Variants in MED13L observed in about 807,000 individuals in gnomAD.
The protein encoded by MED13L is mediator of RNA polymerase II transcription subunit 13-like.
MED13L carries 7 observed loss-of-function variants against 220.9 expected under a neutral mutation model. That is an observed-to-expected ratio of 0.03 (90% CI 0.02 to 0.06). The LOEUF is 0.06. MED13L is among the 10% of genes least tolerant of loss of function. The pLI, the probability that MED13L is intolerant of heterozygous loss-of-function variation, is 1.00. For synonymous variants in MED13L, 1,011 were observed against 1,015.2 expected, an observed-to-expected ratio of 1.00 and a Z score of 0.08; for missense variants, 1,965 against 2,760.5, an observed-to-expected ratio of 0.71 and a Z score of 6.46.
intron 2 of MED13L, among the ~76,000 whole-genome samples, chr12:116,165,574 C>T (rs1392550628): frequency 6.6e-6 from 1 of 151,984 alleles, no homozygotes; most frequent in African/African-American, 2.4e-5. Flanking sequence ...CGTGATCCCC[C>T]CCGCCTCAGC....
At chr12:116,175,966 C>T (rs566013339) in intron 2 of MED13L, among the ~76,000 whole-genome samples, 1 of 152,120 alleles carries the variant, frequency 6.6e-6, no homozygotes, top group Non-Finnish European at 1.5e-5. Flanking sequence ...GAATGGAGCT[C>T]AAGAAAACAG....
At chr12:116,212,689 G>A (rs1230550765) in intron 2 of MED13L, among the ~76,000 whole-genome samples, 2 of 152,086 alleles carry the variant, frequency 1.3e-5, no homozygotes, top group Non-Finnish European at 2.9e-5. Context: ...TACATTCTGA[G>A]TAAAACACAT....
chr12:116,245,171 T>C (rs1593203834), intron 1 of MED13L, among the ~76,000 whole-genome samples: 1 of 151,940 alleles, frequency 6.6e-6, no homozygotes, highest in Admixed American at 6.6e-5. Context: ...GTGAAATATA[T>C]AGAATGAAGG....
In MED13L at chr12:115,961,591, C is replaced by A; in HGVS notation, c.6501-193G>T. 4.0e-6 allele frequency: 3 copies of A among 754,870 alleles called. No individual in the cohort carries two copies. In the South Asian group the frequency reaches 5.0e-5, roughly 13 times the overall value. 46.8% of individuals were successfully genotyped at this position (754,870 alleles called of 1,614,324 possible). ...GATATGGACTATCCAGTACAGTAGC[C>A]AGCAGCCACACATGGCCATTGAGCT... is the stretch of plus-strand genomic sequence containing the variant. On this transcript the variant is annotated intron_variant, in intron 30 of 30. Transcript: ENST00000281928.
chr12:116,207,115 T>C (rs1447045101), intron 2 of MED13L, among the ~76,000 whole-genome samples: 8 of 151,994 alleles, frequency 5.3e-5, no homozygotes, highest in Admixed American at 5.2e-4. Context: ...ACACAGATGA[T>C]GGTGGTCCCA....
chr12:115,963,741 CTTTT>C (rs982981539), intron 29 of MED13L, among the ~76,000 whole-genome samples: 26 of 152,158 alleles, frequency 1.7e-4, no homozygotes, highest in South Asian at 2.1e-4. Flanking sequence ...ACTTTTTGGG[CTTTT>C]TTTGTCTACT....
At chr12:116,056,076 T>C (rs947992776) in intron 4 of MED13L, among the ~76,000 whole-genome samples, 1 of 151,994 alleles carries the variant, frequency 6.6e-6, no homozygotes, top group Non-Finnish European at 1.5e-5. Flanking sequence ...TTTAGTAAGC[T>C]GCTGGCAGCC....
At chr12:116,029,414 T>C (rs1880593087) in intron 4 of MED13L, among the ~76,000 whole-genome samples, 1 of 152,018 alleles carries the variant, frequency 6.6e-6, no homozygotes, top group Non-Finnish European at 1.5e-5. Context: ...TCTATCACTG[T>C]GCAAATGAAA....
At chr12:116,122,987 A>C (rs1334634289) in intron 2 of MED13L, among the ~76,000 whole-genome samples, 1 of 152,246 alleles carries the variant, frequency 6.6e-6, no homozygotes, top group Non-Finnish European at 1.5e-5. Context: ...GAAATCTTGC[A>C]CAATGGCTGT....
At chr12:116,033,739 G>T (rs945227964) in intron 4 of MED13L, among the ~76,000 whole-genome samples, 1 of 150,024 alleles carries the variant, frequency 6.7e-6, no homozygotes, top group Admixed American at 6.7e-5. Flanking sequence ...TCTAAAGTAT[G>T]AATCATGAGT....
chr12:116,105,040 T>C (rs528665999), intron 3 of MED13L, among the ~76,000 whole-genome samples: 1 of 152,354 alleles, frequency 6.6e-6, no homozygotes, highest in South Asian at 2.1e-4. Context: ...ATATGGTATA[T>C]TATGAAAACT....
intron 22 of MED13L, among the ~76,000 whole-genome samples, chr12:115,981,226 T>A (rs1023163587): frequency 9.2e-5 from 14 of 152,224 alleles, no homozygotes; most frequent in Non-Finnish European, 1.8e-4. Flanking sequence ...AGGGGTAAGA[T>A]CTCAATTTAT....
intron 23 of MED13L, 143 bp downstream of exon 23, chr12:115,980,607 A>G: frequency 1.1e-6 from 1 of 890,742 alleles, no homozygotes; most frequent in Non-Finnish European, 1.8e-6. Context: ...TACAGGTGTG[A>G]GCCAACACAT....
chr12:116,082,356 T>C (rs1366271382), intron 4 of MED13L, among the ~76,000 whole-genome samples: 1 of 152,220 alleles, frequency 6.6e-6, no homozygotes, highest in Non-Finnish European at 1.5e-5. Context: ...AATATGTCTC[T>C]ACATGTGTTG....
intron 1 of MED13L, among the ~76,000 whole-genome samples, chr12:116,268,823 A>G (rs1239305926): frequency 6.6e-6 from 1 of 152,344 alleles, no homozygotes; most frequent in African/African-American, 2.4e-5. Flanking sequence ...TTTAATTTTA[A>G]TATCAAATGT....
intron 2 of MED13L, among the ~76,000 whole-genome samples, chr12:116,156,402 T>TAAAA (rs11366103): frequency 3.2e-4 from 38 of 119,434 alleles, no homozygotes; most frequent in African/African-American, 1.0e-3. Flanking sequence ...TCCAATTACT[T>TAAAA]AAAAAAAAAA....
chr12:116,162,020 C>T (rs1022845974), intron 2 of MED13L, among the ~76,000 whole-genome samples: 1 of 152,066 alleles, frequency 6.6e-6, no homozygotes, highest in African/African-American at 2.4e-5. Flanking sequence ...GTGAATACTC[C>T]ATATGGGAAT....
chr12:116,240,057 T>C (rs1187806036), intron 1 of MED13L, among the ~76,000 whole-genome samples: 1 of 152,222 alleles, frequency 6.6e-6, no homozygotes, highest in Non-Finnish European at 1.5e-5. Flanking sequence ...AGTAGTACTA[T>C]TTCTTTCACT....
chr12:116,121,262 C>T (rs564482364), intron 2 of MED13L, among the ~76,000 whole-genome samples: 13 of 151,916 alleles, frequency 8.6e-5, no homozygotes, highest in Non-Finnish European at 1.6e-4. Context: ...TGCTTAGTGC[C>T]CAAATAATTT....
Sources: allele counts gnomAD v4.1 joint callset (sites outside exome capture counted in the v4.1 genomes callset), GRCh38; gene constraint gnomAD v4.1.1; transcripts MANE v1.5; gene names NCBI Gene and HGNC (gene_info 2026-07-23, HGNC 2026-07-21).